Variants in ADCY5 observed in about 807,000 individuals in gnomAD.
The protein encoded by ADCY5 is adenylate cyclase type 5.
ADCY5 carries 30 observed loss-of-function variants against 119.7 expected under a neutral mutation model. That is an observed-to-expected ratio of 0.25 (90% confidence interval 0.19 to 0.34). The LOEUF is 0.34. Ranked by LOEUF, ADCY5 falls within the 10% of genes least tolerant of loss-of-function variation. The probability of loss-of-function intolerance (pLI) is 1.00; values close to 1 mark genes in which losing one functional copy is unlikely to be tolerated. For synonymous variants in ADCY5, 753 were observed against 762.2 expected (o/e 0.99, Z 0.20); for missense variants, 1,324 against 1,775.2 (o/e 0.75, Z 4.57).
chr3:123,330,836 G>A lies in ADCY5; in HGVS notation c.1646+53C>T, dbSNP rs974612579. The A allele has an allele frequency of 3.6e-5, 55 of 1,524,432 alleles. 1 individual carries two copies. The highest frequency in any genetic ancestry group is 2.3e-4 in the East Asian group (10 of 43,022). The allele number at this position is 1,524,432 out of a possible 1,614,324, so 94.4% of individuals were successfully genotyped here. On this transcript the variant is annotated intron_variant, in intron 5 of 20. Coordinates refer to ENST00000462833, the MANE Select transcript of ADCY5 (RefSeq NM_183357.3). ...CAGCCGGCAGGTCAGTCAGTCGCTC[G>A]GGCTGTGGACAGTCCCAGGGAGGGA... is the stretch of plus-strand genomic sequence containing the variant.
At chr3:123,370,212 A>G (rs890993286) in intron 1 of ADCY5, among the ~76,000 whole-genome samples, 6 of 152,240 alleles carry the variant, frequency 3.9e-5, no homozygotes, top group Admixed American at 3.9e-4. Context: ...CTCAGTTTGA[A>G]GTCCAAGTGA....
intron 1 of ADCY5, among the ~76,000 whole-genome samples, chr3:123,419,838 G>A (rs906711025): frequency 2.0e-4 from 31 of 151,286 alleles, no homozygotes; most frequent in African/African-American, 7.1e-4. Context: ...CTCCTCCTCC[G>A]AGTCGCTCTT....
At position 123,296,228 on chromosome 3, in the gene ADCY5, T is replaced by A; in HGVS notation, c.2931-12A>T. The A allele has an allele frequency of 6.2e-7, 1 of 1,612,806 alleles. No homozygotes were observed. The highest frequency in any genetic ancestry group is 1.1e-5 in the South Asian group (1 of 90,960). Reference sequence around the variant, plus strand: ...TTGCATGCTCAGGGCTGTGGGGAGGTGGTGGACAGGCCTGAGACGGCCGTG... The same window carrying A: ...TTGCATGCTCAGGGCTGTGGGGAGGAGGTGGACAGGCCTGAGACGGCCGTG... On this transcript the variant is annotated splice_polypyrimidine_tract_variant and intron_variant, in intron 16 of 20. Transcript: ENST00000462833.
At chr3:123,357,490 C>T (rs1943082335) in intron 1 of ADCY5, among the ~76,000 whole-genome samples, 1 of 152,182 alleles carries the variant, frequency 6.6e-6, no homozygotes, top group Non-Finnish European at 1.5e-5. Context: ...ACAGACAGTG[C>T]AAATCCAGGT....
chr3:123,332,682 G>C lies in ADCY5; in HGVS notation c.1407-7C>G, dbSNP rs745402533. On this transcript the variant is annotated splice_region_variant and splice_polypyrimidine_tract_variant and intron_variant, in intron 3 of 20. Coordinates refer to ENST00000462833, the MANE Select transcript of ADCY5 (RefSeq NM_183357.3). ...GATGTCAGCAAACAGGATGCTGGGG[G>C]ACAGGCAGAGGAGGAAGACCCTGCT... 4 of 1,586,564 alleles carry C rather than the reference G, an allele frequency of 2.5e-6. No individual in the cohort carries two copies. The highest frequency in any genetic ancestry group is 1.1e-5 in the South Asian group (1 of 90,144).
intron 5 of ADCY5, among the ~76,000 whole-genome samples, chr3:123,330,114 T>A (rs59053770): frequency 6.6e-6 from 1 of 152,188 alleles, no homozygotes; most frequent in Non-Finnish European, 1.5e-5. Flanking sequence ...GGGAGACTGA[T>A]TGTCTAGCTC....
In ADCY5 at chr3:123,448,200, G is replaced by C; in HGVS notation, c.346C>G (p.Arg116Gly). Residue 116 changes from arginine to glycine, a missense_variant, in exon 1 of 21, where the codon CGC (arginine) becomes GGC (glycine). Transcript: ENST00000462833. ...RGGDDCGRGS[R>G]RQRRGAASGG... ...CTGGCCGCGCCCCGCCGCTGCCGGCGGCTGCCGCGACCGCAGTCGTCGCCG... is the reference window on the plus strand; with the variant it reads ...CTGGCCGCGCCCCGCCGCTGCCGGCCGCTGCCGCGACCGCAGTCGTCGCCG... The C allele has an allele frequency of 8.0e-7, 1 of 1,255,988 alleles. No individual in the cohort carries two copies. The allele number at this position is 1,255,988 out of a possible 1,614,324, so 77.8% of individuals were successfully genotyped here.
At chr3:123,395,159 C>G (rs1944506508) in intron 1 of ADCY5, among the ~76,000 whole-genome samples, 1 of 152,194 alleles carries the variant, frequency 6.6e-6, no homozygotes, top group Admixed American at 6.5e-5. Flanking sequence ...ATGCCCAGAC[C>G]CAGAGGGGAA....
chr3:123,303,893 G>GAAGAGAAGAGAAGAGAAGAA lies in ADCY5; in HGVS notation c.2559+173_2559+174insTTCTTCTCTTCTCTTCTCTT, dbSNP rs746945989. On this transcript the variant is annotated intron_variant, in intron 13 of 20. Coordinates refer to ENST00000462833, the MANE Select transcript of ADCY5 (RefSeq NM_183357.3). ...GAAGAGAAGAGAAGAGAAGAGAAGA[G>GAAGAGAAGAGAAGAGAAGAA]AAGAAAGAACTTGTGTGAGGCACAT... is the stretch of plus-strand genomic sequence containing the variant. Among the ~76,000 whole-genome samples, 7,877 of 116,986 alleles carry GAAGAGAAGAGAAGAGAAGAA rather than the reference G, an allele frequency of 0.067. 457 individuals are homozygous for GAAGAGAAGAGAAGAGAAGAA. Among genetic ancestry groups the GAAGAGAAGAGAAGAGAAGAA allele is most frequent in the Admixed American group, 0.11 (1,348 of 11,802 alleles). 76.7% of individuals were successfully genotyped at this position (116,986 alleles called of 152,430 possible). A position where few individuals can be genotyped will look rare whatever the true frequency, so the allele number is the denominator to read the frequency against.
intron 1 of ADCY5, among the ~76,000 whole-genome samples, chr3:123,395,108 A>C (rs1175450441): frequency 1.3e-5 from 2 of 152,188 alleles, no homozygotes; most frequent in East Asian, 1.9e-4. Flanking sequence ...TCTCAAGGAC[A>C]TAGACCTCTC....
intron 1 of ADCY5, among the ~76,000 whole-genome samples, chr3:123,396,877 G>GT: frequency 6.9e-6 from 1 of 145,394 alleles, no homozygotes; most frequent in Non-Finnish European, 1.5e-5. Context: ...AGTGGATCAC[G>GT]GGCCCTGCTT....
At chr3:123,313,948 G>A (rs552197565) in intron 12 of ADCY5, among the ~76,000 whole-genome samples, 1 of 152,294 alleles carries the variant, frequency 6.6e-6, no homozygotes, top group Admixed American at 6.5e-5. Context: ...CCTTCCTTGT[G>A]CATAACATGA....
In ADCY5 at chr3:123,347,911, G is replaced by A. The variant is rs201309229; in HGVS notation, c.1285-8C>T. On this transcript the variant is annotated splice_polypyrimidine_tract_variant and splice_region_variant and intron_variant, in intron 2 of 20. Coordinates refer to ENST00000462833, the MANE Select transcript of ADCY5 (RefSeq NM_183357.3). ...AGACAGCAGGAGCCGTTCCTGCAGA[G>A]GGAAGCACATGCTTTCATCACCACG... 2 of 1,613,982 alleles carry A rather than the reference G, an allele frequency of 1.2e-6. No homozygotes were observed. Among genetic ancestry groups the A allele is most frequent in the Non-Finnish European group, 1.7e-6 (2 of 1,180,022 alleles).
chr3:123,314,513 T>C (rs1326277720), intron 11 of ADCY5, among the ~76,000 whole-genome samples, 191 bp from the exon 12 acceptor site: 1 of 152,238 alleles, frequency 6.6e-6, no homozygotes, highest in African/African-American at 2.4e-5. Flanking sequence ...CCCAGCCTTT[T>C]GCACTGACTC....
At chr3:123,310,149 C>CACACAG (rs1031301955) in intron 12 of ADCY5, among the ~76,000 whole-genome samples, 18 of 147,830 alleles carry the variant, frequency 1.2e-4, no homozygotes, top group East Asian at 1.2e-3. Context: ...CACACACACA[C>CACACAG]AGCTACGCAG....
At chr3:123,324,740 G>A (rs1046048861) in intron 8 of ADCY5, among the ~76,000 whole-genome samples, 6 of 152,142 alleles carry the variant, frequency 3.9e-5, no homozygotes, top group South Asian at 2.1e-4. Context: ...GCTGACACCC[G>A]ACCATGGCCT....
Position 123,447,833 on chromosome 3 carries a change from T to C in ADCY5, c.713A>G (p.Asn238Ser). ...CATGAGCATGGTGAGGCTGCTCTGG[T>C]TCAGGCGGAAGAAGTAGCGCTGGTA... ...RLYQRYFFRL[N>S]QSSLTMLMAV... Residue 238 changes from asparagine to serine, a missense_variant, in exon 1 of 21, where the codon AAC becomes AGC. Around this residue, in one of 6 missense-constraint regions of ADCY5, gnomAD observed 585 missense variants for 569.9 expected, o/e 1.03. Transcript: ENST00000462833. 6.2e-7 allele frequency: 1 copy of C among 1,612,678 alleles called. No homozygotes were observed. Among genetic ancestry groups the C allele is most frequent in the Non-Finnish European group, 8.5e-7 (1 of 1,179,688 alleles).
Position 123,352,386 on chromosome 3 carries a change from A to T in ADCY5, c.1284+46T>A. On this transcript the variant is annotated intron_variant, in intron 2 of 20. Coordinates refer to ENST00000462833, the MANE Select transcript of ADCY5 (RefSeq NM_183357.3). This position sits in a 1 kb window ranked among gnomAD's most constrained non-coding sequence, Gnocchi z 4.8. Reference sequence around the variant, plus strand: ...CAGGCACTCAGCTGAGGTACATCTCAGGGCTCGACTCCGTCCCACTGTGCA... The same window carrying T: ...CAGGCACTCAGCTGAGGTACATCTCTGGGCTCGACTCCGTCCCACTGTGCA... 6.4e-7 allele frequency: 1 copy of T among 1,565,700 alleles called. No homozygotes were observed. Among genetic ancestry groups the T allele is most frequent in the Non-Finnish European group, 8.6e-7 (1 of 1,156,112 alleles).
chr3:123,446,515 ATATGG>A (rs1464889767), intron 1 of ADCY5, among the ~76,000 whole-genome samples: 3 of 152,182 alleles, frequency 2.0e-5, no homozygotes, highest in African/African-American at 7.2e-5. Context: ...CTAAAGGGAG[ATATGG>A]TATGGATGGC....
Sources: allele counts gnomAD v4.1 joint callset (sites outside exome capture counted in the v4.1 genomes callset), GRCh38; gene constraint gnomAD v4.1.1; regional missense constraint gnomAD v4.1.1; non-coding constraint Gnocchi (gnomAD v3.1); transcripts MANE v1.5; gene names NCBI Gene and HGNC (gene_info 2026-07-23, HGNC 2026-07-21).